Variants in PACSIN2 observed in about 807,000 individuals in gnomAD.
PACSIN2 encodes the protein protein kinase C and casein kinase substrate in neurons 2.
PACSIN2 carries 25 observed loss-of-function variants against 63.8 expected under a neutral mutation model. The ratio of observed to expected loss-of-function variants is 0.39; its 90% CI spans 0.29 to 0.55. PACSIN2 has a LOEUF of 0.55. Ranked by LOEUF, PACSIN2 falls within the 20% of genes least tolerant of loss-of-function variation. The pLI, the probability that PACSIN2 is intolerant of heterozygous loss-of-function variation, is 0.62. For synonymous variants in PACSIN2, 255 were observed against 256.2 expected (o/e 1.00, Z 0.05); for missense variants, 518 against 646.9 (o/e 0.80, Z 2.16).
chr22:42,957,987 TGAG>T (rs1438670629), intron 1 of PACSIN2, among the ~76,000 whole-genome samples: 1 of 152,044 alleles, frequency 6.6e-6, no homozygotes, highest in Non-Finnish European at 1.5e-5. Context: ...TCTTTGTACT[TGAG>T]GTAATTCACT....
intron 2 of PACSIN2, among the ~76,000 whole-genome samples, chr22:42,904,438 C>G (rs866181533): frequency 2.6e-4 from 40 of 152,220 alleles, no homozygotes; most frequent in African/African-American, 9.6e-4. Flanking sequence ...GAGGCGCCCC[C>G]ACTGATGCAG....
chr22:42,918,074 G>A (rs749408293), intron 1 of PACSIN2, among the ~76,000 whole-genome samples: 1 of 152,170 alleles, frequency 6.6e-6, no homozygotes, highest in African/African-American at 2.4e-5. Context: ...AGAAGGATGT[G>A]AAAATGCTTT....
rs746531257 is a variant in PACSIN2 at position 42,888,664 on chromosome 22, C to T, written c.588G>A (p.Lys196=). 1.9e-5 allele frequency: 31 copies of T among 1,614,116 alleles called. 1 individual carries two copies. The East Asian group carries it at 2.7e-4, about 14-fold the overall frequency. Residue 196 remains lysine, a synonymous_variant, in exon 5 of 11, where the codon AAG becomes AAA. Transcript: ENST00000263246. ...TTACCTTAAGAACATCTTGCTTGCACTTTTCTATTTTGTCTTGCAATTTCT... is the reference window on the plus strand; with the variant it reads ...TTACCTTAAGAACATCTTGCTTGCATTTTTCTATTTTGTCTTGCAATTTCT... ...QLKKLQDKIE[K]CKQDVLKTKE... is the part of the protein sequence containing the mutation.
intron 1 of PACSIN2, among the ~76,000 whole-genome samples, chr22:42,997,564 A>G (rs1031931496): frequency 2.7e-5 from 4 of 150,152 alleles, no homozygotes; most frequent in African/African-American, 9.9e-5. Context: ...TCAAAAAAAA[A>G]AACAATAAAT....
chr22:42,886,435 GGTAGGTAGGTAGGTAGGTAT>G (rs1376350439), intron 5 of PACSIN2, among the ~76,000 whole-genome samples: 3 of 134,414 alleles, frequency 2.2e-5, no homozygotes, highest in African/African-American at 2.5e-5. Context: ...TAGGTAGGTA[GGTAGGTAGGTAGGTAGGTAT>G]GTATGTACCT....
At chr22:43,012,118 C>T (rs535345389) in intron 1 of PACSIN2, among the ~76,000 whole-genome samples, 110 of 151,354 alleles carry the variant, frequency 7.3e-4, no homozygotes, top group African/African-American at 2.6e-3. Flanking sequence ...GCCTCCAGCC[C>T]GGGCGACAGA....
At chr22:42,880,366 T>C (rs1288857356) in intron 7 of PACSIN2, among the ~76,000 whole-genome samples, 4 of 152,208 alleles carry the variant, frequency 2.6e-5, no homozygotes, top group South Asian at 2.1e-4. Context: ...GAGAACTCAA[T>C]TGGAACCTCA....
At chr22:42,989,882 A>G (rs933594897) in intron 1 of PACSIN2, among the ~76,000 whole-genome samples, 2 of 149,364 alleles carry the variant, frequency 1.3e-5, no homozygotes, top group Non-Finnish European at 1.5e-5. Flanking sequence ...ATATATATAT[A>G]TATACACACA....
chr22:42,981,751 A>G (rs1922162658), intron 1 of PACSIN2, among the ~76,000 whole-genome samples: 1 of 110,124 alleles, frequency 9.1e-6, no homozygotes, highest in Non-Finnish European at 1.9e-5. Flanking sequence ...CTGCCCGGCC[A>G]GTCGCCCCGT....
intron 2 of PACSIN2, among the ~76,000 whole-genome samples, chr22:42,907,800 C>A (rs1931185457): frequency 6.6e-6 from 1 of 152,254 alleles, no homozygotes; most frequent in South Asian, 2.1e-4. Flanking sequence ...TAGCCCAGGG[C>A]CCGGGTCATG....
chr22:42,872,009 G>A (rs1712977932), intron 10 of PACSIN2, among the ~76,000 whole-genome samples: 1 of 152,218 alleles, frequency 6.6e-6, no homozygotes, highest in South Asian at 2.1e-4. Flanking sequence ...CTTGTGCACG[G>A]TGCCATGTGT....
intron 1 of PACSIN2, among the ~76,000 whole-genome samples, chr22:42,925,983 C>A (rs932101265): frequency 1.3e-5 from 2 of 152,162 alleles, no homozygotes; most frequent in Non-Finnish European, 2.9e-5. Flanking sequence ...CCCAGGTCAC[C>A]CCCTATAAGC....
At chr22:42,923,198 G>A (rs964708848) in intron 1 of PACSIN2, among the ~76,000 whole-genome samples, 24 of 152,258 alleles carry the variant, frequency 1.6e-4, no homozygotes, top group Admixed American at 1.2e-3. Context: ...ATAATTGGCC[G>A]CAGAACTGTA....
intron 1 of PACSIN2, among the ~76,000 whole-genome samples, chr22:42,992,675 G>A (rs771783565): frequency 2.0e-5 from 3 of 152,120 alleles, no homozygotes; most frequent in Non-Finnish European, 2.9e-5. Context: ...ATCTTTTCAC[G>A]ACATAGCATC....
At chr22:42,977,674 T>A (rs1055745895) in intron 1 of PACSIN2, among the ~76,000 whole-genome samples, 2 of 152,170 alleles carry the variant, frequency 1.3e-5, no homozygotes. Context: ...GGGAGGGACC[T>A]GATGGGAGGT....
At chr22:42,881,490 C>T (rs1434249070) in intron 7 of PACSIN2, among the ~76,000 whole-genome samples, 1 of 152,230 alleles carries the variant, frequency 6.6e-6, no homozygotes, top group Non-Finnish European at 1.5e-5. Flanking sequence ...GGTAGTCGCC[C>T]TCAGCATCCC....
chr22:42,936,990 T>C (rs1309928166), intron 1 of PACSIN2, among the ~76,000 whole-genome samples: 2 of 152,092 alleles, frequency 1.3e-5, no homozygotes, highest in Non-Finnish European at 2.9e-5. Flanking sequence ...ATTAGTAATC[T>C]ACCCACCAAT....
chr22:42,907,833 A>G (rs1167823452), intron 2 of PACSIN2, among the ~76,000 whole-genome samples: 2 of 152,222 alleles, frequency 1.3e-5, no homozygotes, highest in East Asian at 3.8e-4. Flanking sequence ...TATGTGTCCT[A>G]TAGAATTGGT....
intron 2 of PACSIN2, among the ~76,000 whole-genome samples, chr22:42,902,897 A>T (rs1930796937): frequency 6.6e-6 from 1 of 152,192 alleles, no homozygotes; most frequent in Non-Finnish European, 1.5e-5. Flanking sequence ...TACAGGTGTG[A>T]GCCACCGCGC....
Sources: gnomAD v4.1 joint callset for allele counts (sites outside exome capture counted in the v4.1 genomes callset) on GRCh38, gnomAD v4.1.1 for gene constraint, MANE v1.5 for transcripts, NCBI Gene and HGNC (gene_info 2026-07-23, HGNC 2026-07-21) for gene names.